Variants in CADPS2 observed in about 807,000 individuals in gnomAD.
The protein encoded by CADPS2 is calcium-dependent secretion activator 2.
Under a neutral mutation model 172.5 loss-of-function variants are expected in CADPS2, and 93 were observed. The observed-to-expected ratio is 0.54, with a 90% CI of 0.46 to 0.64. The LOEUF is 0.64. Ranked by LOEUF, CADPS2 falls within the 30% of genes least tolerant of loss-of-function variation. CADPS2 has a pLI of 0.00. For missense variants in CADPS2, 1,420 were observed against 1,565.9 expected, an observed-to-expected ratio of 0.91 and a Z score of 1.57; for synonymous variants, 546 against 555.2, an observed-to-expected ratio of 0.98 and a Z score of 0.23.
chr7:122,415,750 C>T (rs1286423926), intron 18 of CADPS2, among the ~76,000 whole-genome samples: 1 of 152,150 alleles, frequency 6.6e-6, no homozygotes, highest in Non-Finnish European at 1.5e-5. Flanking sequence ...TCTTCAATAA[C>T]TGATGAGCTA....
chr7:122,803,935 C>T (rs955591832), intron 1 of CADPS2, among the ~76,000 whole-genome samples: 1 of 145,858 alleles, frequency 6.9e-6, no homozygotes, highest in Non-Finnish European at 1.5e-5. Flanking sequence ...TAGTTTTGAC[C>T]TGCTGCTTAT....
At chr7:122,807,785 G>A (rs1208118512) in intron 1 of CADPS2, among the ~76,000 whole-genome samples, 2 of 152,042 alleles carry the variant, frequency 1.3e-5, no homozygotes, top group Non-Finnish European at 2.9e-5. Flanking sequence ...GGGCATTGGG[G>A]GAAGGTGGTC....
intron 1 of CADPS2, among the ~76,000 whole-genome samples, chr7:122,815,678 T>C (rs879560300): frequency 6.6e-6 from 1 of 152,140 alleles, no homozygotes; most frequent in Non-Finnish European, 1.5e-5. Flanking sequence ...TGATAGAGCA[T>C]AAATCCATAT....
At chr7:122,695,292 T>A (rs1252586498) in intron 2 of CADPS2, among the ~76,000 whole-genome samples, 1 of 152,218 alleles carries the variant, frequency 6.6e-6, no homozygotes, top group African/African-American at 2.4e-5. Context: ...GCAAGCTTAA[T>A]TCTTACAAGG....
At chr7:122,740,577 G>T (rs552004862) in intron 1 of CADPS2, among the ~76,000 whole-genome samples, 1 of 151,868 alleles carries the variant, frequency 6.6e-6, no homozygotes, top group Non-Finnish European at 1.5e-5. Flanking sequence ...GATATATATG[G>T]GAAATTTCTG....
intron 2 of CADPS2, among the ~76,000 whole-genome samples, chr7:122,671,494 C>G (rs938016290): frequency 1.3e-5 from 2 of 151,976 alleles, no homozygotes; most frequent in Admixed American, 6.6e-5. Context: ...TTTGGGAGGC[C>G]AAGCCTAGGA....
At chr7:122,758,252 G>A (rs2093245317) in intron 1 of CADPS2, among the ~76,000 whole-genome samples, 1 of 152,114 alleles carries the variant, frequency 6.6e-6, no homozygotes, top group East Asian at 1.9e-4. Context: ...GGGTCTCAAA[G>A]AAATGAATTT....
chr7:122,723,468 C>G (rs1466114951), intron 2 of CADPS2, among the ~76,000 whole-genome samples: 4 of 152,134 alleles, frequency 2.6e-5, no homozygotes, highest in African/African-American at 4.8e-5. Flanking sequence ...CAAATCAAAA[C>G]CACAATGAGA....
At position 122,360,978 on chromosome 7, in the gene CADPS2, C is replaced by T. The variant is rs2040046615; in HGVS notation, c.3423G>A (p.Leu1141=). ...AGAAAGTGCCTTCATCATACCTTGACAGCTTAGACAACACGCCTTCCAACA... is the reference window on the plus strand; with the variant it reads ...AGAAAGTGCCTTCATCATACCTTGATAGCTTAGACAACACGCCTTCCAACA... ...VSVLEGVLSK[L]SRYDEGTFFS... The change falls in exon 26 of 30, where the codon CTG becomes CTA. Residue 1141 remains leucine, a synonymous_variant. Coordinates refer to ENST00000449022, the MANE Select transcript of CADPS2 (RefSeq NM_017954.11). The T allele has an allele frequency of 1.9e-6, 3 of 1,613,748 alleles. No homozygotes were observed. Among genetic ancestry groups the T allele is most frequent in the African/African-American group, 2.7e-5 (2 of 75,016 alleles).
intron 17 of CADPS2, among the ~76,000 whole-genome samples, chr7:122,424,827 A>G (rs1340627729): frequency 6.6e-6 from 1 of 152,002 alleles, no homozygotes; most frequent in East Asian, 1.9e-4. Context: ...CTGGCTGCAA[A>G]GACTGTGAAG....
intron 1 of CADPS2, among the ~76,000 whole-genome samples, chr7:122,863,994 C>A (rs1012869527): frequency 6.6e-6 from 1 of 152,168 alleles, no homozygotes; most frequent in Admixed American, 6.5e-5. Context: ...CACGCCACTG[C>A]ACTCCAGCCT....
intron 9 of CADPS2, among the ~76,000 whole-genome samples, chr7:122,491,890 C>G (rs746498096): frequency 6.6e-6 from 1 of 152,058 alleles, no homozygotes; most frequent in Non-Finnish European, 1.5e-5. Flanking sequence ...AGACTTTTAA[C>G]AAAGTAAAAA....
intron 7 of CADPS2, among the ~76,000 whole-genome samples, chr7:122,563,620 T>C (rs1563714425): frequency 6.6e-6 from 1 of 152,204 alleles, no homozygotes; most frequent in Non-Finnish European, 1.5e-5. Flanking sequence ...GTTTTGTTCT[T>C]AATCTTTGGT....
At chr7:122,722,490 G>A (rs995421084) in intron 2 of CADPS2, among the ~76,000 whole-genome samples, 11 of 151,796 alleles carry the variant, frequency 7.2e-5, no homozygotes, top group South Asian at 6.3e-4. Context: ...TACAAGGGAT[G>A]TGAAGGACCT....
At chr7:122,682,800 C>T (rs536070937) in intron 2 of CADPS2, among the ~76,000 whole-genome samples, 97 of 152,310 alleles carry the variant, frequency 6.4e-4, no homozygotes, top group African/African-American at 2.2e-3. Flanking sequence ...GGTCAGTTTC[C>T]TCATCAGTGG....
chr7:122,841,115 A>C (rs926972166), intron 1 of CADPS2, among the ~76,000 whole-genome samples: 1 of 152,194 alleles, frequency 6.6e-6, no homozygotes, highest in Non-Finnish European at 1.5e-5. Context: ...TATGGCAAAA[A>C]TGTCAATTCC....
intron 1 of CADPS2, among the ~76,000 whole-genome samples, chr7:122,759,195 T>C (rs998361751): frequency 6.6e-6 from 1 of 152,116 alleles, no homozygotes; most frequent in African/African-American, 2.4e-5. Context: ...CTGTTTGGGT[T>C]TGTTTACCTG....
At chr7:122,839,205 C>T (rs896735434) in intron 1 of CADPS2, among the ~76,000 whole-genome samples, 7 of 152,130 alleles carry the variant, frequency 4.6e-5, no homozygotes, top group African/African-American at 7.2e-5. Flanking sequence ...ATAAATGGTG[C>T]TGGGAAAACT....
At chr7:122,632,042 T>C (rs1269671913) in intron 3 of CADPS2, among the ~76,000 whole-genome samples, 1 of 152,180 alleles carries the variant, frequency 6.6e-6, no homozygotes, top group Non-Finnish European at 1.5e-5. Flanking sequence ...TAGGGTTGTG[T>C]AATAATCCAT....
Sources: allele counts gnomAD v4.1 joint callset (sites outside exome capture counted in the v4.1 genomes callset), GRCh38; gene constraint gnomAD v4.1.1; transcripts MANE v1.5; gene names NCBI Gene and HGNC (gene_info 2026-07-23, HGNC 2026-07-21).